The following ADCY5 variants were observed in gnomAD, a reference collection of about 807,000 sequenced individuals.
ADCY5 encodes the protein adenylate cyclase type 5.
Under a neutral mutation model 119.7 loss-of-function variants are expected in ADCY5, and 30 were observed. That is an observed-to-expected ratio of 0.25 (90% confidence interval 0.19 to 0.34). The LOEUF (loss-of-function observed/expected upper bound fraction) is 0.34, where lower values mean the gene tolerates loss of function less well. ADCY5 is among the 10% of genes least tolerant of loss of function. The pLI, the probability that ADCY5 is intolerant of heterozygous loss-of-function variation, is 1.00. For missense variants in ADCY5, 1,324 were observed against 1,775.2 expected, an observed-to-expected ratio of 0.75 and a Z score of 4.57; for synonymous variants, 753 against 762.2, an observed-to-expected ratio of 0.99 and a Z score of 0.20.
intron 1 of ADCY5, among the ~76,000 whole-genome samples, chr3:123,362,483 T>C (rs562067013): frequency 6.6e-5 from 10 of 152,320 alleles, no homozygotes; most frequent in East Asian, 3.9e-4. Flanking sequence ...AGTGGCCACA[T>C]TGTACATTTT....
chr3:123,440,606 G>A (rs77899935), intron 1 of ADCY5, among the ~76,000 whole-genome samples: 1,524 of 151,922 alleles, frequency 0.01, 29 homozygotes, highest in African/African-American at 0.03. Context: ...ACACCACCTC[G>A]GAATTCTTCC....
chr3:123,305,059 C>T (rs1195303172), intron 12 of ADCY5, among the ~76,000 whole-genome samples: 3 of 152,150 alleles, frequency 2.0e-5, no homozygotes, highest in Non-Finnish European at 2.9e-5. Flanking sequence ...CAAGGGCAGA[C>T]AGGGTGGTTG....
chr3:123,405,291 G>A (rs1292102912), intron 1 of ADCY5, among the ~76,000 whole-genome samples: 1 of 152,236 alleles, frequency 6.6e-6, no homozygotes, highest in Non-Finnish European at 1.5e-5. Context: ...GGACTCCCTT[G>A]GCTGCATGGC....
intron 12 of ADCY5, among the ~76,000 whole-genome samples, chr3:123,311,217 AG>A (rs1940555676): frequency 6.6e-6 from 1 of 152,228 alleles, no homozygotes; most frequent in African/African-American, 2.4e-5. Flanking sequence ...AATGAGAAAA[AG>A]TTTCTGCGTT....
intron 1 of ADCY5, among the ~76,000 whole-genome samples, chr3:123,407,908 G>A (rs1944943352): frequency 6.6e-6 from 1 of 151,782 alleles, no homozygotes; most frequent in Non-Finnish European, 1.5e-5. Flanking sequence ...CTGAGGGGAG[G>A]AGGAAATTCG....
Position 123,300,033 on chromosome 3 carries a change from T to C in ADCY5, c.2900+87A>G. On this transcript the variant is annotated intron_variant, in intron 15 of 20. Transcript: ENST00000462833. ...AGATACTCTCCTCGCAAGTTCCCTG[T>C]GGTGCCAGAACCCTAAACCTCCTGC... 3 of 1,420,342 alleles carry C rather than the reference T, an allele frequency of 2.1e-6. No individual in the cohort carries two copies. The South Asian group carries it at 3.8e-5, about 18-fold the overall frequency. The allele number at this position is 1,420,342 out of a possible 1,614,324, so 88.0% of individuals were successfully genotyped here. A position where few individuals can be genotyped will look rare whatever the true frequency, so the allele number is the denominator to read the frequency against.
At chr3:123,386,581 C>T (rs62262394) in intron 1 of ADCY5, among the ~76,000 whole-genome samples, 72,339 of 151,732 alleles carry the variant, frequency 0.48, 18,025 homozygotes, top group East Asian at 0.68. Flanking sequence ...CAAAAGAGTC[C>T]TGGTTTTGCT....
At position 123,389,641 on chromosome 3, in the gene ADCY5, T is replaced by C. The variant is rs1304646765; in HGVS notation, c.1135-37060A>G. ...GTGAAGCCCCCAGCAGAGCGGCACA[T>C]GTGGAGAGGCATGTGACAAGCAGAT... On this transcript the variant is annotated intron_variant, in intron 1 of 20. Transcript: ENST00000462833. Among the ~76,000 whole-genome samples the C allele has an allele frequency of 2.0e-5, 3 of 151,884 alleles. No homozygotes were observed. The South Asian group carries it at 6.2e-4, about 32-fold the overall frequency.
chr3:123,329,484 G>A (rs995150925), intron 5 of ADCY5, among the ~76,000 whole-genome samples: 1 of 152,178 alleles, frequency 6.6e-6, no homozygotes, highest in Non-Finnish European at 1.5e-5. Flanking sequence ...CATGCTGGGC[G>A]AGCAGTGGAG....
chr3:123,432,401 G>C lies in ADCY5; in HGVS notation c.1134+15011C>G, dbSNP rs73856610. Among the ~76,000 whole-genome samples the C allele has an allele frequency of 1.4e-3, 220 of 152,320 alleles. 2 individuals carry two copies. Among genetic ancestry groups the C allele is most frequent in the African/African-American group, 5.2e-3 (217 of 41,564 alleles). ...GGAAAAGACACCAGAAGAAAGACTG[G>C]AGAAGGAACCGGGTGGAGGGAGAGA... On this transcript the variant is annotated intron_variant, in intron 1 of 20. Transcript: ENST00000462833.
intron 1 of ADCY5, among the ~76,000 whole-genome samples, chr3:123,358,792 T>C (rs1472631984): frequency 6.6e-6 from 1 of 152,116 alleles, no homozygotes; most frequent in East Asian, 1.9e-4. Flanking sequence ...CCCCAGCACT[T>C]CTGAAACCCA....
chr3:123,417,488 T>C (rs1173230678), intron 1 of ADCY5, among the ~76,000 whole-genome samples: 1 of 152,260 alleles, frequency 6.6e-6, no homozygotes, highest in African/African-American at 2.4e-5. Flanking sequence ...TGAACAGATA[T>C]TTGCACAGGC....
chr3:123,341,393 A>G (rs541004305), intron 3 of ADCY5, among the ~76,000 whole-genome samples: 3 of 152,290 alleles, frequency 2.0e-5, no homozygotes, highest in African/African-American at 4.8e-5. Context: ...CACAAATACT[A>G]TATGTTTCCA....
At position 123,312,777 on chromosome 3, in the gene ADCY5, C is replaced by T. The variant is rs952357192; in HGVS notation, c.2442+1458G>A. Among the ~76,000 whole-genome samples the T allele has an allele frequency of 2.6e-5, 4 of 152,194 alleles. No individual in the cohort carries two copies. The South Asian group carries it at 6.2e-4, about 24-fold the overall frequency. ...TAACATTCCACTGCAATTTACAGCA[C>T]GTTTTGTTTATCTATTCATCTGTTG... On this transcript the variant is annotated intron_variant, in intron 12 of 20. Coordinates refer to ENST00000462833, the MANE Select transcript of ADCY5 (RefSeq NM_183357.3).
intron 1 of ADCY5, chr3:123,416,253 T>C (rs1049521136): frequency 3.5e-5 from 54 of 1,536,024 alleles, no homozygotes; most frequent in Admixed American, 2.7e-4. Context: ...AACAGCCCTC[T>C]TTCTGAGACT....
At chr3:123,411,691 G>C (rs1294223032) in intron 1 of ADCY5, among the ~76,000 whole-genome samples, 1 of 152,188 alleles carries the variant, frequency 6.6e-6, no homozygotes, top group African/African-American at 2.4e-5. Flanking sequence ...AGGCAAAGCA[G>C]GGTGGGGCAA....
chr3:123,408,103 A>T (rs2107619174), intron 1 of ADCY5, among the ~76,000 whole-genome samples: 1 of 152,304 alleles, frequency 6.6e-6, no homozygotes, highest in East Asian at 1.9e-4. Context: ...GTCTCAGAGA[A>T]TACAAAGAGC....
At chr3:123,349,973 G>A (rs4474982) in intron 2 of ADCY5, among the ~76,000 whole-genome samples, 22,773 of 152,236 alleles carry the variant, frequency 0.15, 1,926 homozygotes, top group Middle Eastern at 0.22. Context: ...GGAGGTTTCC[G>A]TGACCTGACT....
chr3:123,287,579 G>T (rs1938863972), intron 19 of ADCY5, among the ~76,000 whole-genome samples: 4 of 152,178 alleles, frequency 2.6e-5, no homozygotes, highest in Non-Finnish European at 4.4e-5. Context: ...GTGAAGGGCA[G>T]GACTGAAAAC....
Sources: gnomAD v4.1 joint callset for allele counts (sites outside exome capture counted in the v4.1 genomes callset) on GRCh38, gnomAD v4.1.1 for gene constraint, MANE v1.5 for transcripts, NCBI Gene and HGNC (gene_info 2026-07-23, HGNC 2026-07-21) for gene names.